Variants in ARHGEF10 observed in about 807,000 individuals in gnomAD.
The protein encoded by ARHGEF10 is Rho guanine nucleotide exchange factor 10, also known as Rho guanine nucleotide exchange factor (GEF) 10.
A neutral mutation model predicts 147.4 loss-of-function variants in ARHGEF10; 140 were observed. That is an observed-to-expected ratio of 0.95 (90% CI 0.83 to 1.09). ARHGEF10 has a LOEUF of 1.09. Among genes scored for constraint, ARHGEF10 ranks in the 50% least tolerant of loss-of-function variants. ARHGEF10 has a pLI of 0.00. For synonymous variants in ARHGEF10, 902 were observed against 695.8 expected (o/e 1.30, Z -4.67); for missense variants, 2,222 against 1,752.7 (o/e 1.27, Z -4.78).
rs550614969 is a variant in ARHGEF10 at position 1,897,052 on chromosome 8, A to G, written c.1557+603A>G. ...CTGTGTTCTGACAGTTTGCTGCACA[A>G]TGAACCAAGCTGAAACCCCCTTCAA... On this transcript the variant is annotated intron_variant, in intron 14 of 28. Transcript: ENST00000349830. Among the ~76,000 whole-genome samples the G allele has an allele frequency of 8.5e-5, 13 of 152,346 alleles. No homozygotes were observed. In the South Asian group the frequency reaches 1.2e-3, roughly 15 times the overall value.
Position 1,903,364 on chromosome 8 carries a change from G to C in ARHGEF10, c.1734G>C (p.Glu578Asp). ...TGACAGAGCTCGAAACACTAGCAGA[G>C]AAGTTAAATGAAAGAAAGAGAGATG... ...MALTELETLAEKLNERKRDAD... is the reference protein window; with the variant it reads ...MALTELETLADKLNERKRDAD... Residue 578 changes from glutamate to aspartate, a missense_variant, in exon 16 of 29, where the codon GAG becomes GAC. Coordinates refer to ENST00000349830, the MANE Select transcript of ARHGEF10 (RefSeq NM_014629.4). 1 of 1,614,170 alleles carries C rather than the reference G, an allele frequency of 6.2e-7. No homozygotes were observed. Among genetic ancestry groups the C allele is most frequent in the Non-Finnish European group, 8.5e-7 (1 of 1,180,038 alleles).
intron 25 of ARHGEF10, among the ~76,000 whole-genome samples, chr8:1,930,968 C>A (rs758901193): frequency 1.3e-5 from 2 of 152,250 alleles, no homozygotes; most frequent in Middle Eastern, 3.2e-3. Context: ...GTGCCCCGGC[C>A]TGGATTCCGG....
At position 1,833,355 on chromosome 8, in the gene ARHGEF10, GAGAGACAGAGGC is replaced by G. The variant is rs1185646605; in HGVS notation, c.-48+9257_-48+9268del. Among the ~76,000 whole-genome samples, 12 of 48,180 alleles carry G rather than the reference GAGAGACAGAGGC, an allele frequency of 2.5e-4. No individual in the cohort carries two copies. In the East Asian group the frequency reaches 5.1e-3, roughly 21 times the overall value. The allele number at this position is 48,180 out of a possible 152,430, so 31.6% of individuals were successfully genotyped here. A position where few individuals can be genotyped will look rare whatever the true frequency, so the allele number is the denominator to read the frequency against. On this transcript the variant is annotated intron_variant, in intron 1 of 28. Transcript: ENST00000349830. ...AGACAGAGGCAGAGACAGAGGCAGA[GAGAGACAGAGGC>G]AGAGACAGAGGCAGGTGCAGCGACA...
At position 1,909,385 on chromosome 8, in the gene ARHGEF10, C is replaced by A. The variant is rs370463343; in HGVS notation, c.2058C>A (p.Gly686=). ...GACATGTGGACGCCATCGAGTATGGCAGCAGCGCAGGCACGGGCGAGCACA... is the reference window on the plus strand; with the variant it reads ...GACATGTGGACGCCATCGAGTATGGAAGCAGCGCAGGCACGGGCGAGCACA... ...PLGHVDAIEY[G]SSAGTGEHSR... is the part of the protein sequence containing the mutation. The change falls in exon 18 of 29, where the codon GGC becomes GGA. Residue 686 remains glycine, a synonymous_variant. Transcript: ENST00000349830. 49 of 1,614,078 alleles carry A rather than the reference C, an allele frequency of 3.0e-5. No individual in the cohort carries two copies. The highest frequency in any genetic ancestry group is 3.5e-5 in the Non-Finnish European group (41 of 1,180,058).
rs1436287925 is a variant in ARHGEF10, at chr8:1,885,669, A to G, written c.1144A>G (p.Ile382Val). 6.2e-7 allele frequency: 1 copy of G among 1,613,916 alleles called. No homozygotes were observed. Among genetic ancestry groups the G allele is most frequent in the Non-Finnish European group, 8.5e-7 (1 of 1,180,016 alleles). The change falls in exon 11 of 29, where the codon ATC becomes GTC. Residue 382 changes from isoleucine to valine, a missense_variant. By Grantham distance (29) the Ile-to-Val change is conservative (BLOSUM62 3). Transcript: ENST00000349830. ...TGTTGACTGCAAGCACCCGGAAGCCATCTTGACCCCGATGCCCGAGGGTTT... is the reference window on the plus strand; with the variant it reads ...TGTTGACTGCAAGCACCCGGAAGCCGTCTTGACCCCGATGCCCGAGGGTTT... ...IDVDCKHPEA[I>V]LTPMPEGLSQ...
intron 11 of ARHGEF10, among the ~76,000 whole-genome samples, chr8:1,888,154 C>T (rs13277815): frequency 0.43 from 12,757 of 29,442 alleles, 2,518 homozygotes; most frequent in Middle Eastern, 0.54. Context: ...CTTAGTGGGG[C>T]GAGGGTTGCG....
chr8:1,926,598 T>C (rs1308618676), intron 23 of ARHGEF10, 135 bp downstream of exon 23: 6 of 795,620 alleles, frequency 7.5e-6, no homozygotes, highest in Non-Finnish European at 1.3e-5. Flanking sequence ...CTTAGAAACA[T>C]GAAAACTTCT....
chr8:1,881,702 G>T (rs1048800981), intron 9 of ARHGEF10, among the ~76,000 whole-genome samples: 2 of 152,150 alleles, frequency 1.3e-5, no homozygotes, highest in African/African-American at 4.8e-5. Context: ...GGAAGTCCAG[G>T]GCAGGCAGAC....
At chr8:1,869,315 AAGTGACTATTT>A in intron 7 of ARHGEF10, 65 bp downstream of exon 7, 1 of 1,404,510 alleles carries the variant, frequency 7.1e-7, no homozygotes, top group Non-Finnish European at 1.0e-6. Context: ...CTGGATGCCA[AAGTGACTATTT>A]AGTGGACGGC....
intron 2 of ARHGEF10, among the ~76,000 whole-genome samples, chr8:1,849,727 A>ATGGACGG (rs1804880553): frequency 6.8e-6 from 1 of 147,490 alleles, no homozygotes; most frequent in Admixed American, 6.7e-5. Context: ...CCACGTGGTC[A>ATGGACGG]CAGACAGCAA....
chr8:1,885,795 T>C, intron 11 of ARHGEF10, 88 bp downstream of exon 11: 2 of 1,084,756 alleles, frequency 1.8e-6, no homozygotes, highest in Non-Finnish European at 2.8e-6. Context: ...GGTTGGTAAA[T>C]ATTTGCTGTC....
chr8:1,883,362 G>A (rs1269210238), intron 10 of ARHGEF10, among the ~76,000 whole-genome samples: 2 of 152,092 alleles, frequency 1.3e-5, no homozygotes, highest in African/African-American at 4.8e-5. Flanking sequence ...TTACGGGAGG[G>A]TGACTGAGAC....
chr8:1,861,661 A>T (rs1255867068), intron 4 of ARHGEF10, among the ~76,000 whole-genome samples: 1 of 152,064 alleles, frequency 6.6e-6, no homozygotes, highest in African/African-American at 2.4e-5. Flanking sequence ...GAAAAATCTC[A>T]ATTTTGGATT....
intron 2 of ARHGEF10, among the ~76,000 whole-genome samples, chr8:1,849,364 G>A (rs566836830): frequency 1.1e-3 from 156 of 145,382 alleles, no homozygotes; most frequent in Non-Finnish European, 1.3e-3. Context: ...GGCATGGGGC[G>A]GCCACGTGGA....
chr8:1,879,068 A>G (rs1457324547), intron 8 of ARHGEF10, among the ~76,000 whole-genome samples: 1 of 152,200 alleles, frequency 6.6e-6, no homozygotes, highest in Admixed American at 6.5e-5. Context: ...CATTTTAAAA[A>G]CGACCAAAAT....
intron 2 of ARHGEF10, among the ~76,000 whole-genome samples, chr8:1,857,665 A>T (rs757581214): frequency 1.3e-5 from 2 of 151,828 alleles, no homozygotes; most frequent in Non-Finnish European, 2.9e-5. Context: ...TGATCTGCCC[A>T]CCTTGGCCTC....
intron 18 of ARHGEF10, among the ~76,000 whole-genome samples, chr8:1,916,174 G>A (rs1161238468): frequency 6.6e-6 from 1 of 152,188 alleles, no homozygotes; most frequent in East Asian, 1.9e-4. Flanking sequence ...ACGCAGGACG[G>A]CCTGTGGACA....
At chr8:1,861,208 T>C (rs1233786267) in intron 4 of ARHGEF10, among the ~76,000 whole-genome samples, 1 of 152,228 alleles carries the variant, frequency 6.6e-6, no homozygotes, top group African/African-American at 2.4e-5. Flanking sequence ...GGGGCTTGGT[T>C]GGTGGAGCCC....
chr8:1,888,608 TG>T (rs1563235288), intron 11 of ARHGEF10, among the ~76,000 whole-genome samples: 23 of 103,842 alleles, frequency 2.2e-4, no homozygotes, highest in Admixed American at 4.6e-4. Context: ...TCACTGAGTG[TG>T]GTGAGGTTTG....
Sources: gnomAD v4.1 joint callset for allele counts (sites outside exome capture counted in the v4.1 genomes callset) on GRCh38, gnomAD v4.1.1 for gene constraint, MANE v1.5 for transcripts, NCBI Gene and HGNC (gene_info 2026-07-23, HGNC 2026-07-21) for gene names.